MGST1: variants seen among roughly 807,000 people sequenced by gnomAD.
MGST1 encodes glutathione S-transferase 12.
A neutral mutation model predicts 8.9 loss-of-function variants in MGST1; 5 were observed. The observed-to-expected ratio is 0.56, with a 90% confidence interval of 0.29 to 1.19. MGST1 has a LOEUF of 1.19. Among genes scored for constraint, MGST1 ranks in the 50% most tolerant of loss-of-function variants. The pLI, the probability that MGST1 is intolerant of heterozygous loss-of-function variation, is 0.08. For missense variants in MGST1, 182 were observed against 187.4 expected, an observed-to-expected ratio of 0.97 and a Z score of 0.17; for synonymous variants, 54 against 67.8, an observed-to-expected ratio of 0.80 and a Z score of 1.00.
At chr12:16,481,362 A>G (rs1435231939) in intron 4 of MGST1, among the ~76,000 whole-genome samples, 1 of 152,180 alleles carries the variant, frequency 6.6e-6, no homozygotes, top group Non-Finnish European at 1.5e-5. Flanking sequence ...GCAATGCATG[A>G]CTCAAACTAA....
intron 1 of MGST1, among the ~76,000 whole-genome samples, chr12:16,391,960 A>G (rs1940557395): frequency 6.6e-6 from 1 of 152,140 alleles, no homozygotes; most frequent in Non-Finnish European, 1.5e-5. Flanking sequence ...TCTTTTTTAT[A>G]TGGATAGCCA....
rs1388342878 is a variant in MGST1 at position 16,363,509 on chromosome 12, A to G, written c.222-286A>G. On this transcript the variant is annotated intron_variant, in intron 3 of 3. Coordinates refer to ENST00000396210, the MANE Select transcript of MGST1 (RefSeq NM_020300.5). This position sits in a 1 kb window ranked among gnomAD's most constrained non-coding sequence, Gnocchi z 4.6. The stretch of plus-strand genomic sequence containing the variant: ...AAGTATTTTTATTTACAAAAATGAA[A>G]TGAGTTCTATTAGATAGATGTCGTT... 2 of 194,878 alleles carry G rather than the reference A, an allele frequency of 1.0e-5. No homozygotes were observed. The highest frequency in any genetic ancestry group is 2.1e-5 in the Non-Finnish European group (2 of 97,212). 12.1% of individuals were successfully genotyped at this position (194,878 alleles called of 1,614,324 possible).
rs1234076819 is a variant in MGST1, at chr12:16,548,689, C to T, written n.483-40839C>T. 6.6e-6 allele frequency: 1 copy of T among 152,060 alleles called. No homozygotes were observed. Among genetic ancestry groups the T allele is most frequent in the Non-Finnish European group, 1.5e-5 (1 of 67,998 alleles). The allele number at this position is 152,060 out of a possible 1,614,324, so 9.4% of individuals were successfully genotyped here. A position where few individuals can be genotyped will look rare whatever the true frequency, so the allele number is the denominator to read the frequency against. ...GGGAAAGTTGACAACAATTCAGGGG[C>T]TTTGAGTAGTCAAGACAATTAGCTT... On this transcript the variant is annotated intron_variant and non_coding_transcript_variant, in intron 4 of 4. Transcript: ENST00000538857. The surrounding 1 kb of genome is among the most constrained non-coding windows in gnomAD (Gnocchi z 4.2).
intron 4 of MGST1, among the ~76,000 whole-genome samples, chr12:16,486,026 G>C (rs1016053323): frequency 6.6e-6 from 1 of 152,148 alleles, no homozygotes; most frequent in Non-Finnish European, 1.5e-5. Context: ...GCCAGATGCT[G>C]ATGTATCTGC....
intron 1 of MGST1, chr12:16,400,929 C>T: frequency 7.7e-7 from 1 of 1,297,252 alleles, no homozygotes; most frequent in Admixed American, 1.7e-5. Context: ...ATCTCCTGTT[C>T]TCCCTTTTGT....
At chr12:16,572,203 A>T (rs533980321) in intron 4 of MGST1, among the ~76,000 whole-genome samples, 1 of 152,090 alleles carries the variant, frequency 6.6e-6, no homozygotes, top group South Asian at 2.1e-4. Flanking sequence ...AGAAGGAGAA[A>T]TACTAAAGTT....
chr12:16,376,888 G>A (rs1940389693), exon 4 of MGST1: 1 of 151,972 alleles, frequency 6.6e-6, no homozygotes, highest in Non-Finnish European at 1.5e-5. Context: ...AGCATGAATT[G>A]TTAATTGTTG....
chr12:16,392,740 A>T (rs986202444), intron 1 of MGST1, among the ~76,000 whole-genome samples: 2 of 152,160 alleles, frequency 1.3e-5, no homozygotes, highest in African/African-American at 4.8e-5. Context: ...GTATGTCTCT[A>T]TATCTATCTA....
intron 4 of MGST1, among the ~76,000 whole-genome samples, chr12:16,561,225 C>T (rs948553484): frequency 2.6e-5 from 4 of 152,058 alleles, no homozygotes; most frequent in Admixed American, 2.0e-4. Flanking sequence ...TCCTGAGAAT[C>T]GTTATTGTAA....
chr12:16,534,314 T>C (rs562664367), intron 4 of MGST1, among the ~76,000 whole-genome samples: 13 of 152,354 alleles, frequency 8.5e-5, no homozygotes, highest in African/African-American at 3.1e-4. Context: ...TGTTAGAGTA[T>C]GATGTTTCCT....
chr12:16,355,250 C>T (rs146954154), intron 2 of MGST1, among the ~76,000 whole-genome samples: 2 of 149,912 alleles, frequency 1.3e-5, no homozygotes, highest in African/African-American at 4.9e-5. Context: ...ACTCTGTTGC[C>T]CAGGCTGGAG....
intron 4 of MGST1, among the ~76,000 whole-genome samples, chr12:16,525,294 C>A (rs548497347): frequency 1.6e-5 from 2 of 122,442 alleles, no homozygotes; most frequent in Non-Finnish European, 3.4e-5. Context: ...ATCCCTCCCC[C>A]CTCCCCCCAC....
rs1941810397 is a variant in MGST1, at chr12:16,544,286, C to G, written n.483-45242C>G. 1.3e-5 allele frequency among the ~76,000 whole-genome samples: 2 copies of G among 150,032 alleles called. No individual in the cohort carries two copies. Among genetic ancestry groups the G allele is most frequent in the South Asian group, 2.1e-4 (1 of 4,746 alleles). ...CACAAAACATAACCTACTAGTCAAT[C>G]TGCCTGCATTGCATCAGGGTCTATA... On this transcript the variant is annotated intron_variant and non_coding_transcript_variant, in intron 4 of 4. Transcript: ENST00000538857. The surrounding 1 kb of genome is among the most constrained non-coding windows in gnomAD (Gnocchi z 4.8).
At chr12:16,534,715 G>C (rs1186654449) in intron 4 of MGST1, among the ~76,000 whole-genome samples, 1 of 152,160 alleles carries the variant, frequency 6.6e-6, no homozygotes, top group Non-Finnish European at 1.5e-5. Context: ...AAAAATGTGA[G>C]ATAGTGCTAG....
At chr12:16,387,889 A>G (rs1940519096) in intron 1 of MGST1, among the ~76,000 whole-genome samples, 1 of 151,626 alleles carries the variant, frequency 6.6e-6, no homozygotes, top group Non-Finnish European at 1.5e-5. Flanking sequence ...CCATTGCACT[A>G]CAATTTGTCT....
intron 3 of MGST1, among the ~76,000 whole-genome samples, chr12:16,360,035 G>A (rs962860705): frequency 6.6e-6 from 1 of 152,170 alleles, no homozygotes; most frequent in African/African-American, 2.4e-5. Flanking sequence ...TTCTGTAAAG[G>A]TTCCGAGTCC....
chr12:16,529,599 C>T (rs183816960), intron 4 of MGST1, among the ~76,000 whole-genome samples: 13 of 152,106 alleles, frequency 8.5e-5, no homozygotes, highest in South Asian at 4.1e-4. Flanking sequence ...ATAACCCCAT[C>T]GCCTCCTGGT....
downstream of MGST1, among the ~76,000 whole-genome samples, chr12:16,590,532 C>T (rs114895987): frequency 8.7e-3 from 1,323 of 151,808 alleles, 31 homozygotes; most frequent in African/African-American, 0.03. Context: ...CCTAGAATAG[C>T]GGACTTCAAG....
chr12:16,520,468 G>A (rs952721482), intron 4 of MGST1, among the ~76,000 whole-genome samples: 13 of 152,158 alleles, frequency 8.5e-5, no homozygotes, highest in Admixed American at 7.9e-4. Context: ...TTTTCAAGAA[G>A]AGCAGATGTC....
Sources: allele counts gnomAD v4.1 joint callset (sites outside exome capture counted in the v4.1 genomes callset), GRCh38; gene constraint gnomAD v4.1.1; non-coding constraint Gnocchi (gnomAD v3.1); transcripts MANE v1.5; gene names NCBI Gene and HGNC (gene_info 2026-07-23, HGNC 2026-07-21).